Variants in RAD51B observed in about 807,000 individuals in gnomAD.
The protein encoded by RAD51B is RAD51 paralog B, also known as DNA repair protein RAD51 homolog 2.
In RAD51B, 38 loss-of-function variants were observed where a neutral mutation model predicts 42.2. The ratio of observed to expected loss-of-function variants is 0.90; its 90% confidence interval spans 0.70 to 1.18. The LOEUF (loss-of-function observed/expected upper bound fraction) is 1.18, where lower values mean the gene tolerates loss of function less well. RAD51B is among the 50% of genes most tolerant of loss of function. The pLI is 0.00. For synonymous variants in RAD51B, 154 were observed against 145.2 expected (o/e 1.06, Z -0.43); for missense variants, 373 against 400.7 (o/e 0.93, Z 0.59).
At chr14:67,993,112 G>T (rs1303468720) in intron 7 of RAD51B, among the ~76,000 whole-genome samples, 1 of 151,924 alleles carries the variant, frequency 6.6e-6, no homozygotes, top group Non-Finnish European at 1.5e-5. Context: ...TAGTAGTTCT[G>T]TATATTTATA....
intron 8 of RAD51B, among the ~76,000 whole-genome samples, chr14:68,315,382 T>G (rs1320011724): frequency 6.6e-6 from 1 of 152,214 alleles, no homozygotes; most frequent in Non-Finnish European, 1.5e-5. Flanking sequence ...AGGCCCCATG[T>G]TGGGCCAGCA....
chr14:67,831,236 A>G (rs1207281987), intron 3 of RAD51B, among the ~76,000 whole-genome samples: 2 of 152,146 alleles, frequency 1.3e-5, no homozygotes, highest in African/African-American at 4.8e-5. Context: ...TAGGCAGTTA[A>G]ATATATGGAC....
At chr14:68,443,240 C>A (rs1809010148) in intron 9 of RAD51B, among the ~76,000 whole-genome samples, 1 of 152,156 alleles carries the variant, frequency 6.6e-6, no homozygotes, top group Admixed American at 6.5e-5. Flanking sequence ...TGAGTTGGAT[C>A]CCATCTCTTC....
intron 8 of RAD51B, among the ~76,000 whole-genome samples, chr14:68,389,903 C>T (rs2083698814): frequency 6.6e-6 from 1 of 152,166 alleles, no homozygotes; most frequent in Admixed American, 6.5e-5. Flanking sequence ...AATGAATCTT[C>T]TAAATCACTC....
At chr14:68,671,889 CGA>C (rs1363009779) in intron 11 of RAD51B, among the ~76,000 whole-genome samples, 14 of 152,052 alleles carry the variant, frequency 9.2e-5, no homozygotes, top group African/African-American at 3.4e-4. Flanking sequence ...GCAAAAACTG[CGA>C]GAGTGGTTCC....
In RAD51B at chr14:68,530,420, C is replaced by T. The variant is rs1246972089; in HGVS notation, c.1036+62170C>T. On this transcript the variant is annotated intron_variant, in intron 10 of 10. Coordinates refer to the RAD51B transcript ENST00000487270. The stretch of plus-strand genomic sequence containing the variant: ...CATGATTGTGCTACTACACTCCAGC[C>T]TGGGCAACAGAGAAAGACCCTGTCT... Among the ~76,000 whole-genome samples, 11 of 110,214 alleles carry T rather than the reference C, an allele frequency of 1.0e-4. No individual in the cohort carries two copies. The Admixed American group carries it at 1.0e-3, about 10-fold the overall frequency. 72.3% of individuals were successfully genotyped at this position (110,214 alleles called of 152,430 possible).
At chr14:68,488,806 A>C (rs1434235926) in intron 10 of RAD51B, among the ~76,000 whole-genome samples, 1 of 152,216 alleles carries the variant, frequency 6.6e-6, no homozygotes, top group Non-Finnish European at 1.5e-5. Flanking sequence ...AGTCTTTAAC[A>C]ACTGTCATGA....
chr14:68,106,666 G>A, intron 7 of RAD51B, among the ~76,000 whole-genome samples: 1 of 151,810 alleles, frequency 6.6e-6, no homozygotes, highest in East Asian at 1.9e-4. Flanking sequence ...AGCTTACTTA[G>A]TACTTCATTG....
At chr14:68,531,836 GA>G (rs1887329608) in intron 10 of RAD51B, among the ~76,000 whole-genome samples, 1 of 151,982 alleles carries the variant, frequency 6.6e-6, no homozygotes, top group South Asian at 2.1e-4. Context: ...CTGTCACTAC[GA>G]AAAATAATTT....
At chr14:68,367,187 C>T (rs992915548) in intron 8 of RAD51B, among the ~76,000 whole-genome samples, 2 of 152,204 alleles carry the variant, frequency 1.3e-5, no homozygotes, top group African/African-American at 4.8e-5. Flanking sequence ...AAAGCCTCTT[C>T]AAAATGGCCA....
At position 67,892,375 on chromosome 14, in the gene RAD51B, TAGTA is replaced by T. The variant is rs1018625936; in HGVS notation, c.756+5176_756+5179del. On this transcript the variant is annotated intron_variant, in intron 7 of 10. Coordinates refer to ENST00000471583, the MANE Select transcript of RAD51B (RefSeq NM_133510.4). ...AAAAACCTAGAAACAACTTAAAAGT[TAGTA>T]AGTAGGTGATTGGCTAAATTAATGT... 2.2e-4 allele frequency among the ~76,000 whole-genome samples: 33 copies of T among 152,352 alleles called. No homozygotes were observed. In the East Asian group the frequency reaches 3.7e-3, roughly 17 times the overall value.
chr14:68,438,640 C>T (rs1360852450), intron 9 of RAD51B, among the ~76,000 whole-genome samples: 1 of 152,178 alleles, frequency 6.6e-6, no homozygotes, highest in African/African-American at 2.4e-5. Flanking sequence ...TATAGCACAT[C>T]ATGTCATCTC....
At chr14:68,093,142 G>A (rs1217286940) in intron 7 of RAD51B, among the ~76,000 whole-genome samples, 1 of 150,764 alleles carries the variant, frequency 6.6e-6, no homozygotes, top group Non-Finnish European at 1.5e-5. Context: ...GTTCATCAAG[G>A]ATATTGGTCT....
chr14:68,612,263 GA>G (rs1322468757), downstream of RAD51B, among the ~76,000 whole-genome samples: 2 of 152,208 alleles, frequency 1.3e-5, no homozygotes, highest in East Asian at 3.8e-4. Context: ...GACGAGGGAC[GA>G]ATTCCTGTGT....
rs115217607 is a variant in RAD51B, at chr14:68,650,238, A to G, written c.1037-543A>G. Among the ~76,000 whole-genome samples the G allele has an allele frequency of 4.9e-3, 741 of 152,310 alleles. 7 individuals are homozygous for G. Among genetic ancestry groups the G allele is most frequent in the African/African-American group, 0.017 (702 of 41,562 alleles). ...AATTTTCATCCATTTTGAATATTCA[A>G]TTTCTAGCTACTTCTCTGAACCAAC... On this transcript the variant is annotated intron_variant, in intron 10 of 11. Transcript: ENST00000488612.
intron 10 of RAD51B, among the ~76,000 whole-genome samples, chr14:68,586,289 G>A (rs189015691): frequency 2.0e-5 from 3 of 152,266 alleles, no homozygotes; most frequent in East Asian, 3.9e-4. Flanking sequence ...TTCTTCCATG[G>A]TGCACACTCA....
At chr14:68,370,801 T>A (rs1324186769) in intron 8 of RAD51B, among the ~76,000 whole-genome samples, 1 of 151,810 alleles carries the variant, frequency 6.6e-6, no homozygotes, top group African/African-American at 2.4e-5. Flanking sequence ...TCCCAGCACT[T>A]TGGGAGGCTG....
At chr14:68,139,006 A>G (rs1004499041) in intron 7 of RAD51B, among the ~76,000 whole-genome samples, 2 of 151,968 alleles carry the variant, frequency 1.3e-5, no homozygotes, top group Non-Finnish European at 2.9e-5. Context: ...TACCACTTTT[A>G]AAAAAATGTT....
chr14:68,187,226 G>T (rs1472176988), intron 7 of RAD51B, among the ~76,000 whole-genome samples: 1 of 152,204 alleles, frequency 6.6e-6, no homozygotes, highest in Non-Finnish European at 1.5e-5. Context: ...AGGAATTGGG[G>T]AGAAGGGTTG....
Sources: allele counts gnomAD v4.1 joint callset (sites outside exome capture counted in the v4.1 genomes callset), GRCh38; gene constraint gnomAD v4.1.1; transcripts MANE v1.5; gene names NCBI Gene and HGNC (gene_info 2026-07-23, HGNC 2026-07-21).